SPEN: variants seen among roughly 807,000 people sequenced by gnomAD.
SPEN encodes the protein spen family transcriptional repressor, also known as msx2-interacting protein.
SPEN carries 18 observed loss-of-function variants against 269.9 expected under a neutral mutation model. The observed-to-expected ratio is 0.07, with a 90% confidence interval of 0.05 to 0.10. The LOEUF (loss-of-function observed/expected upper bound fraction) is 0.10, where lower values mean the gene tolerates loss of function less well. Ranked by LOEUF, SPEN falls within the 10% of genes least tolerant of loss-of-function variation. The pLI is 1.00. For missense variants in SPEN, 3,822 were observed against 4,631.2 expected (o/e 0.83, Z 5.07); for synonymous variants, 1,726 against 1,765.7 (o/e 0.98, Z 0.56).
chr1:15,922,827 T>G (rs1279060620), intron 10 of SPEN, among the ~76,000 whole-genome samples: 1 of 152,120 alleles, frequency 6.6e-6, no homozygotes, highest in Non-Finnish European at 1.5e-5. Context: ...TTGTCTAGGC[T>G]GGTCTTGAAC....
chr1:15,885,497 G>A (rs932093357), intron 3 of SPEN, among the ~76,000 whole-genome samples: 1 of 152,172 alleles, frequency 6.6e-6, no homozygotes, highest in African/African-American at 2.4e-5. Context: ...ATGGACTCCT[G>A]TAAGAGCCAA....
chr1:15,869,159 C>G (rs1044752992), intron 1 of SPEN, among the ~76,000 whole-genome samples: 1 of 152,054 alleles, frequency 6.6e-6, no homozygotes, highest in Non-Finnish European at 1.5e-5. Flanking sequence ...CAGGTTCAAG[C>G]GATTCCCCTG....
rs757836588 is a variant in SPEN at position 15,929,127 on chromosome 1, C to G, written c.2887C>G (p.His963Asp). Residue 963 changes from histidine (H) to aspartate (D), a missense_variant, in exon 11 of 15, where the codon CAC (histidine) becomes GAC (aspartate). Physicochemically the swap from His to Asp is moderately conservative, Grantham distance 81. This residue lies in a region of SPEN where 572 missense variants were observed against 582.6 expected (regional missense o/e 0.98). Transcript: ENST00000375759. The surrounding 1 kb of genome is among the most constrained non-coding windows in gnomAD (Gnocchi z 5.8). ...GGAAGGCAGGCTTAAAGCCAGGAAGCACCTCAAGCCTGAGCAGCCTGCAGA... is the reference window on the plus strand; with the variant it reads ...GGAAGGCAGGCTTAAAGCCAGGAAGGACCTCAAGCCTGAGCAGCCTGCAGA... Reference protein sequence around the residue: ...EKEGRLKARKHLKPEQPADGV... With the variant: ...EKEGRLKARKDLKPEQPADGV... The G allele has an allele frequency of 6.2e-7, 1 of 1,614,160 alleles. No homozygotes were observed. Among genetic ancestry groups the G allele is most frequent in the South Asian group, 1.1e-5 (1 of 91,084 alleles).
chr1:15,890,119 C>G (rs551044943), intron 3 of SPEN, among the ~76,000 whole-genome samples: 8 of 152,076 alleles, frequency 5.3e-5, no homozygotes, highest in African/African-American at 9.7e-5. Context: ...TTGCAGAGTT[C>G]GTTTCTAAGA....
chr1:15,922,473 C>CA, intron 10 of SPEN, 124 bp downstream of exon 10: 4 of 627,770 alleles, frequency 6.4e-6, no homozygotes, highest in Non-Finnish European at 1.1e-5. Context: ...ATAGAGAATG[C>CA]TTCTCTTTTA....
intron 1 of SPEN, among the ~76,000 whole-genome samples, chr1:15,862,007 A>C (rs1350186583): frequency 6.6e-6 from 1 of 152,076 alleles, no homozygotes; most frequent in Non-Finnish European, 1.5e-5. Flanking sequence ...GCGCCACTTT[A>C]CTCCAGCCTG....
chr1:15,903,896 TACTTCTTTAAG>T (rs2070926731), intron 3 of SPEN, among the ~76,000 whole-genome samples: 1 of 152,250 alleles, frequency 6.6e-6, no homozygotes, highest in Non-Finnish European at 1.5e-5. Flanking sequence ...CCATTATTAC[TACTTCTTTAAG>T]ACAACTTAGA....
At chr1:15,871,311 G>T (rs2070570523) in intron 1 of SPEN, among the ~76,000 whole-genome samples, 1 of 151,906 alleles carries the variant, frequency 6.6e-6, no homozygotes, top group Admixed American at 6.6e-5. Context: ...ACCTAATCGG[G>T]ATTAGAACCC....
chr1:15,883,445 A>G (rs1270412606), intron 3 of SPEN, among the ~76,000 whole-genome samples: 1 of 151,966 alleles, frequency 6.6e-6, no homozygotes, highest in Non-Finnish European at 1.5e-5. Context: ...TTTTTGAGAC[A>G]GAGTCTTGTG....
intron 3 of SPEN, among the ~76,000 whole-genome samples, chr1:15,905,653 A>G (rs1191363950): frequency 3.3e-5 from 5 of 151,082 alleles, no homozygotes; most frequent in East Asian, 3.9e-4. Context: ...GCTCACTGCA[A>G]CCTCCACCTC....
chr1:15,888,715 C>G (rs1016586843), intron 3 of SPEN, among the ~76,000 whole-genome samples: 57 of 152,136 alleles, frequency 3.7e-4, no homozygotes, highest in African/African-American at 1.2e-3. Context: ...TCACCGCGAC[C>G]TCCACCTTCT....
rs762729680 is a variant in SPEN, at chr1:15,935,645, G to A, written c.9405G>A (p.Gln3135=). ...AGCAAATAGAGGTCAGGGCCCCACAGCGTGCCAGCACCCCGCAGCCAGCCC... is the reference window on the plus strand; with the variant it reads ...AGCAAATAGAGGTCAGGGCCCCACAACGTGCCAGCACCCCGCAGCCAGCCC... ...QPQQIEVRAP[Q]RASTPQPAPA... is the part of the protein sequence containing the mutation. Residue 3135 remains glutamine, a synonymous_variant, in exon 11 of 15, where the codon CAG becomes CAA. Transcript: ENST00000375759. This position sits in a 1 kb window ranked among gnomAD's most constrained non-coding sequence, Gnocchi z 7.7. 6.2e-7 allele frequency: 1 copy of A among 1,614,084 alleles called. No homozygotes were observed. The highest frequency in any genetic ancestry group is 1.7e-5 in the Admixed American group (1 of 60,012).
At chr1:15,908,342 G>A (rs1317616724) in intron 3 of SPEN, among the ~76,000 whole-genome samples, 3 of 152,108 alleles carry the variant, frequency 2.0e-5, no homozygotes, top group Non-Finnish European at 4.4e-5. Context: ...GGGATTATAG[G>A]TGTGAGCCAC....
chr1:15,911,343 C>T, intron 5 of SPEN, 42 bp downstream of exon 5: 1 of 1,542,094 alleles, frequency 6.5e-7, no homozygotes, highest in Admixed American at 1.7e-5. Flanking sequence ...TCATCACACA[C>T]ACTGTTTGTG....
In SPEN at chr1:15,934,307, C is replaced by A. The variant is rs745591509; in HGVS notation, c.8067C>A (p.Pro2689=). Reference sequence around the variant, plus strand: ...GTTTGGTGAGCACCCCTGCTGGGCCCGTGAACGTCCTGAAAGGGCCTGTGA... The same window carrying A: ...GTTTGGTGAGCACCCCTGCTGGGCCAGTGAACGTCCTGAAAGGGCCTGTGA... ...LKSLVSTPAG[P]VNVLKGPVNV... is the part of the protein sequence containing the mutation. The change falls in exon 11 of 15, where the codon CCC becomes CCA. Residue 2689 remains proline, a synonymous_variant. Coordinates refer to ENST00000375759, the MANE Select transcript of SPEN (RefSeq NM_015001.3). The surrounding 1 kb of genome is among the most constrained non-coding windows in gnomAD (Gnocchi z 9.2). The A allele has an allele frequency of 7.4e-6, 12 of 1,614,108 alleles. No homozygotes were observed. The highest frequency in any genetic ancestry group is 1.0e-5 in the Non-Finnish European group (12 of 1,180,054).
chr1:15,897,291 C>T (rs375303565), intron 3 of SPEN, among the ~76,000 whole-genome samples: 1 of 151,880 alleles, frequency 6.6e-6, no homozygotes, highest in East Asian at 1.9e-4. Flanking sequence ...TGGGTTCAAG[C>T]GATTCTCCTG....
chr1:15,906,434 T>C (rs2070955995), intron 3 of SPEN, among the ~76,000 whole-genome samples: 1 of 151,366 alleles, frequency 6.6e-6, no homozygotes, highest in African/African-American at 2.4e-5. Context: ...TTAAGCTTTC[T>C]TTTTCTTTTC....
intron 3 of SPEN, among the ~76,000 whole-genome samples, chr1:15,906,453 C>CTTTTTTTTTTTTTTTT (rs200731520): frequency 3.2e-5 from 3 of 92,586 alleles, no homozygotes; most frequent in African/African-American, 5.1e-5. Flanking sequence ...TCTTTCTTTC[C>CTTTTTTTTTTTTTTTT]TTTTTTTTTT....
rs2070291295 is a variant in SPEN at position 15,848,053 on chromosome 1, G to C, written c.-15G>C. 1 of 1,408,582 alleles carries C rather than the reference G, an allele frequency of 7.1e-7. No individual in the cohort carries two copies. The highest frequency in any genetic ancestry group is 9.4e-7 in the Non-Finnish European group (1 of 1,064,044). The allele number at this position is 1,408,582 out of a possible 1,614,324, so 87.3% of individuals were successfully genotyped here. ...GGGGGAGCCAGCAGCGGCGGTCGCC[G>C]GCACGCCGCCCAGCATGGTCCGGGA... On this transcript the variant is annotated 5_prime_UTR_variant, in exon 1 of 15. Coordinates refer to ENST00000375759, the MANE Select transcript of SPEN (RefSeq NM_015001.3). This position sits in a 1 kb window ranked among gnomAD's most constrained non-coding sequence, Gnocchi z 5.1.
Sources: gnomAD v4.1 joint callset for allele counts (sites outside exome capture counted in the v4.1 genomes callset) on GRCh38, gnomAD v4.1.1 for gene constraint, gnomAD v4.1.1 regional missense constraint, Gnocchi (gnomAD v3.1) non-coding constraint, MANE v1.5 for transcripts, NCBI Gene and HGNC (gene_info 2026-07-23, HGNC 2026-07-21) for gene names.